Variants in APP observed in about 807,000 individuals in gnomAD.
APP encodes amyloid beta precursor protein, also known as amyloid-beta precursor protein.
A neutral mutation model predicts 101.4 loss-of-function variants in APP; 31 were observed. The ratio of observed to expected loss-of-function variants is 0.31; its 90% confidence interval spans 0.23 to 0.41. The LOEUF (loss-of-function observed/expected upper bound fraction) is 0.41. APP is among the 10% of genes least tolerant of loss of function. The pLI, the probability that APP is intolerant of heterozygous loss-of-function variation, is 1.00. For synonymous variants in APP, 366 were observed against 364.4 expected, an observed-to-expected ratio of 1.00 and a Z score of -0.05; for missense variants, 839 against 1,003.7, an observed-to-expected ratio of 0.84 and a Z score of 2.22.
At chr21:25,978,652 A>T (rs907674691) in intron 9 of APP, among the ~76,000 whole-genome samples, 1 of 152,198 alleles carries the variant, frequency 6.6e-6, no homozygotes, top group Admixed American at 6.5e-5. Context: ...GTTGCTGCTT[A>T]TCTTAAAAAT....
chr21:26,170,509 G>T, intron 1 of APP, 55 bp downstream of exon 1: 1 of 1,515,478 alleles, frequency 6.6e-7, no homozygotes, highest in African/African-American at 1.4e-5. Flanking sequence ...GGTCTTGGGG[G>T]GTATCGCGTC....
chr21:26,028,911 G>A (rs112337445), intron 5 of APP, among the ~76,000 whole-genome samples: 6 of 152,238 alleles, frequency 3.9e-5, no homozygotes, highest in African/African-American at 1.4e-4. Context: ...ATAGATGTGT[G>A]CCAGGGATGG....
chr21:26,160,934 C>T (rs999176577), intron 1 of APP, among the ~76,000 whole-genome samples: 2 of 152,090 alleles, frequency 1.3e-5, no homozygotes, highest in African/African-American at 2.4e-5. Context: ...AACCTTTTCA[C>T]AATAAAATGT....
At chr21:25,989,418 T>C (rs1417485973) in intron 8 of APP, among the ~76,000 whole-genome samples, 1 of 152,220 alleles carries the variant, frequency 6.6e-6, no homozygotes, top group Non-Finnish European at 1.5e-5. Context: ...CCCTATCATT[T>C]TGATATGCAT....
intron 8 of APP, among the ~76,000 whole-genome samples, chr21:25,984,428 C>T (rs1328194103): frequency 1.3e-5 from 2 of 151,722 alleles, no homozygotes; most frequent in Non-Finnish European, 1.5e-5. Flanking sequence ...TAAAAAAGGC[C>T]GAAAGTATCA....
intron 4 of APP, among the ~76,000 whole-genome samples, chr21:26,051,633 T>G (rs1446093296): frequency 6.6e-6 from 1 of 152,174 alleles, no homozygotes; most frequent in Non-Finnish European, 1.5e-5. Flanking sequence ...TGCCTTATCC[T>G]AGAAATTCTG....
intron 16 of APP, among the ~76,000 whole-genome samples, chr21:25,897,305 G>A (rs919322499): frequency 1.2e-4 from 18 of 152,042 alleles, no homozygotes; most frequent in Admixed American, 1.2e-3. Flanking sequence ...TAGTAGAGAT[G>A]GGGTTTCACC....
intron 8 of APP, among the ~76,000 whole-genome samples, chr21:25,990,693 TA>T (rs2042825034): frequency 1.3e-5 from 2 of 152,226 alleles, no homozygotes; most frequent in South Asian, 4.2e-4. Flanking sequence ...GATTTCATTT[TA>T]CCCCAGCCTT....
At chr21:26,061,030 C>T (rs554738941) in intron 3 of APP, among the ~76,000 whole-genome samples, 116 of 152,284 alleles carry the variant, frequency 7.6e-4, no homozygotes, top group Non-Finnish European at 1.2e-3. Context: ...GGGGTCAAGA[C>T]TAGAAGTGAG....
chr21:25,931,910 C>T (rs905734212), intron 13 of APP, among the ~76,000 whole-genome samples: 2 of 152,050 alleles, frequency 1.3e-5, no homozygotes, highest in African/African-American at 2.4e-5. Flanking sequence ...AAAATGGAAA[C>T]GTTCCCAATA....
At position 26,102,827 on chromosome 21, in the gene APP, A is replaced by T. The variant is rs556497234; in HGVS notation, c.225+9152T>A. ...ATCACTTGAGCCCAGGATGCAAAGA[A>T]TGCAGTGAGCCAAGACTGCACCACT... On this transcript the variant is annotated intron_variant, in intron 2 of 17. Transcript: ENST00000346798. Among the ~76,000 whole-genome samples the T allele has an allele frequency of 1.6e-3, 239 of 149,666 alleles. 1 individual carries two copies. The highest frequency in any genetic ancestry group is 5.5e-3 in the African/African-American group (225 of 40,568).
At chr21:26,109,970 T>C (rs985582912) in intron 2 of APP, among the ~76,000 whole-genome samples, 1 of 152,238 alleles carries the variant, frequency 6.6e-6, no homozygotes, top group East Asian at 1.9e-4. Context: ...CATATAAGTA[T>C]GCACAGAGTT....
chr21:25,893,668 G>C (rs539425980), intron 16 of APP, among the ~76,000 whole-genome samples: 1 of 151,954 alleles, frequency 6.6e-6, no homozygotes, highest in East Asian at 1.9e-4. Flanking sequence ...AGCTGCAGAA[G>C]AAAAAAAAGT....
chr21:26,077,977 A>G (rs1336309922), intron 3 of APP, among the ~76,000 whole-genome samples: 1 of 152,188 alleles, frequency 6.6e-6, no homozygotes, highest in Non-Finnish European at 1.5e-5. Flanking sequence ...TAAAATCTGA[A>G]TATTTCCTAA....
intron 11 of APP, among the ~76,000 whole-genome samples, chr21:25,961,565 G>C (rs946566289): frequency 6.6e-6 from 1 of 151,992 alleles, no homozygotes; most frequent in African/African-American, 2.4e-5. Flanking sequence ...ACAACTTTTG[G>C]CCAAAATACA....
At chr21:25,930,875 C>A (rs1246924471) in intron 13 of APP, among the ~76,000 whole-genome samples, 1 of 152,142 alleles carries the variant, frequency 6.6e-6, no homozygotes, top group Admixed American at 6.5e-5. Context: ...GGAAACCAAG[C>A]CTGGCAACAG....
chr21:25,888,530 A>G lies in APP; in HGVS notation c.2211+3192T>C, dbSNP rs180715580. On this transcript the variant is annotated intron_variant, in intron 17 of 17. Coordinates refer to ENST00000346798, the MANE Select transcript of APP (RefSeq NM_000484.4). ...GACAGTCACAAAGGTCTTGAGGGGA[A>G]GGAGCTGAGAGGAAATAAACAAAAC... Among the ~76,000 whole-genome samples the G allele has an allele frequency of 6.8e-4, 103 of 150,494 alleles. 1 individual carries two copies. The highest frequency in any genetic ancestry group is 2.3e-3 in the African/African-American group (94 of 41,390).
chr21:25,964,792 G>T (rs575491351), intron 11 of APP, among the ~76,000 whole-genome samples: 2 of 152,126 alleles, frequency 1.3e-5, no homozygotes, highest in East Asian at 3.9e-4. Context: ...TAGAGACAGG[G>T]TTTCTCCATG....
intron 7 of APP, among the ~76,000 whole-genome samples, chr21:25,998,422 C>A (rs1394286487): frequency 6.7e-6 from 1 of 149,618 alleles, no homozygotes; most frequent in East Asian, 2.0e-4. Flanking sequence ...TTGAGGTTAT[C>A]AGTTCCTACA....
Sources: gnomAD v4.1 joint callset for allele counts (sites outside exome capture counted in the v4.1 genomes callset) on GRCh38, gnomAD v4.1.1 for gene constraint, MANE v1.5 for transcripts, NCBI Gene and HGNC (gene_info 2026-07-23, HGNC 2026-07-21) for gene names.